Variants in QPRT observed in about 807,000 individuals in gnomAD.
The protein encoded by QPRT is quinolinate phosphoribosyltransferase, also known as nicotinate-nucleotide pyrophosphorylase [carboxylating].
QPRT carries 17 observed loss-of-function variants against 19.8 expected under a neutral mutation model. The ratio of observed to expected loss-of-function variants is 0.86; its 90% CI spans 0.59 to 1.29. The LOEUF is 1.29. Ranked by LOEUF, QPRT falls within the 50% of genes most tolerant of loss-of-function variation. QPRT has a pLI of 0.00. For missense variants in QPRT, 336 were observed against 405.1 expected, an observed-to-expected ratio of 0.83 and a Z score of 1.46; for synonymous variants, 178 against 191.0, an observed-to-expected ratio of 0.93 and a Z score of 0.56.
rs1967583720 is a variant in QPRT at position 29,697,435 on chromosome 16, C to T, written c.*24C>T. 1 of 1,595,722 alleles carries T rather than the reference C, an allele frequency of 6.3e-7. No individual in the cohort carries two copies. Among genetic ancestry groups the T allele is most frequent in the South Asian group, 1.1e-5 (1 of 90,478 alleles). ...AGTCCTAAACCGGAAGAGGATGACA[C>T]CGGCCATGGGTTAACGTGGCTCCTC... On this transcript the variant is annotated 3_prime_UTR_variant, in exon 4 of 4. Transcript: ENST00000395384. This position sits in a 1 kb window ranked among gnomAD's most constrained non-coding sequence, Gnocchi z 4.4.
At chr16:29,682,181 C>T (rs887163217) in intron 1 of QPRT, among the ~76,000 whole-genome samples, 3 of 151,422 alleles carry the variant, frequency 2.0e-5, no homozygotes, top group Non-Finnish European at 4.4e-5. Context: ...AGGCGTGTGC[C>T]ACCACACCTG....
At chr16:29,693,973 C>T (rs1255046665) in intron 1 of QPRT, among the ~76,000 whole-genome samples, 1 of 151,876 alleles carries the variant, frequency 6.6e-6, no homozygotes, top group Non-Finnish European at 1.5e-5. Flanking sequence ...TGCAGGTGTC[C>T]ACCCCCAAGC....
In QPRT at chr16:29,683,730, G is replaced by A. The variant is rs1345810011; in HGVS notation, c.13+4520G>A. Among the ~76,000 whole-genome samples, 7 of 152,220 alleles carry A rather than the reference G, an allele frequency of 4.6e-5. No homozygotes were observed. In the East Asian group the frequency reaches 1.4e-3, roughly 29 times the overall value. On this transcript the variant is annotated intron_variant, in intron 1 of 3. Coordinates refer to ENST00000395384, the MANE Select transcript of QPRT (RefSeq NM_014298.6). ...GTGGGGGCTGGCTCTTCCCCAACCTGGATCCCTGGAAACTACCCCCAGAGA... is the reference window on the plus strand; with the variant it reads ...GTGGGGGCTGGCTCTTCCCCAACCTAGATCCCTGGAAACTACCCCCAGAGA...
intron 1 of QPRT, among the ~76,000 whole-genome samples, 181 bp from the exon 2 acceptor site, chr16:29,694,483 G>A (rs1165459038): frequency 1.3e-5 from 2 of 150,662 alleles, no homozygotes; most frequent in Non-Finnish European, 3.0e-5. Context: ...CCTCACCCTC[G>A]CCCCCACAAC....
chr16:29,680,346 A>AG (rs752223208), intron 1 of QPRT, among the ~76,000 whole-genome samples: 1 of 152,148 alleles, frequency 6.6e-6, no homozygotes, highest in African/African-American at 2.4e-5. Context: ...CAACGCTTCA[A>AG]GGAAGTGTTT....
rs1048009257 is a variant in QPRT at position 29,698,566 on chromosome 16, T to C, written c.*1155T>C. The C allele has an allele frequency of 1.3e-5, 2 of 152,680 alleles. No homozygotes were observed. The highest frequency in any genetic ancestry group is 1.3e-4 in the Admixed American group (2 of 15,262). 9.5% of individuals were successfully genotyped at this position (152,680 alleles called of 1,614,324 possible). On this transcript the variant is annotated 3_prime_UTR_variant, in exon 4 of 4. Transcript: ENST00000395384. ...TCACGTTCCCCGCTTGCTTGAGATA[T>C]CATGACCCTTTCACGTGGACCCCTT...
chr16:29,684,982 G>C (rs1010703150), intron 1 of QPRT, among the ~76,000 whole-genome samples: 2 of 152,008 alleles, frequency 1.3e-5, no homozygotes, highest in Non-Finnish European at 2.9e-5. Context: ...CCTCCACCCT[G>C]CCTGCTCTTC....
At chr16:29,687,532 AC>A (rs1189081398) in intron 1 of QPRT, among the ~76,000 whole-genome samples, 1 of 152,278 alleles carries the variant, frequency 6.6e-6, no homozygotes, top group East Asian at 1.9e-4. Flanking sequence ...CTAATCTGTG[AC>A]AGGGATGACA....
chr16:29,695,329 C>A, intron 2 of QPRT, 130 bp downstream of exon 2: 1 of 1,050,446 alleles, frequency 9.5e-7, no homozygotes, highest in Non-Finnish European at 1.3e-6. Flanking sequence ...CAAGACTCTT[C>A]CCACCTCAGC....
At chr16:29,690,597 GC>G (rs1165308905) in intron 1 of QPRT, among the ~76,000 whole-genome samples, 1 of 152,034 alleles carries the variant, frequency 6.6e-6, no homozygotes, top group East Asian at 1.9e-4. Context: ...CCAGGATGCT[GC>G]GGGAATGGGA....
chr16:29,695,045 G>A lies in QPRT; in HGVS notation c.395G>A (p.Gly132Glu). The change falls in exon 2 of 4, where the codon GGG (glycine) becomes GAG (glutamate). Residue 132 changes from glycine to glutamate, a missense_variant. Physicochemically the swap from Gly to Glu is moderately conservative, Grantham distance 98 (BLOSUM62 -2). Coordinates refer to ENST00000395384, the MANE Select transcript of QPRT (RefSeq NM_014298.6). ...GCCGCCAGGGGGGCCGGCTGGACTGGGCACGTGGCAGGCACGAGGAAGACC... is the reference window on the plus strand; with the variant it reads ...GCCGCCAGGGGGGCCGGCTGGACTGAGCACGTGGCAGGCACGAGGAAGACC... The part of the protein sequence containing the change: ...VEAARGAGWT[G>E]HVAGTRKTTP... 2.5e-6 allele frequency: 4 copies of A among 1,605,588 alleles called. No individual in the cohort carries two copies. Among genetic ancestry groups the A allele is most frequent in the Admixed American group, 1.7e-5 (1 of 59,678 alleles).
chr16:29,685,364 G>A (rs1053073350), intron 1 of QPRT, among the ~76,000 whole-genome samples: 7 of 152,040 alleles, frequency 4.6e-5, no homozygotes, highest in African/African-American at 7.2e-5. Flanking sequence ...CCAGCTACTC[G>A]GGAGGCTGAG....
At position 29,697,450 on chromosome 16, in the gene QPRT, C is replaced by T. The variant is rs767195269; in HGVS notation, c.*39C>T. The T allele has an allele frequency of 1.6e-5, 25 of 1,575,026 alleles. No homozygotes were observed. The East Asian group carries it at 2.0e-4, about 13-fold the overall frequency. On this transcript the variant is annotated 3_prime_UTR_variant, in exon 4 of 4. Transcript: ENST00000395384. This position sits in a 1 kb window ranked among gnomAD's most constrained non-coding sequence, Gnocchi z 4.4. ...GAGGATGACACCGGCCATGGGTTAACGTGGCTCCTCAGGACCCTCTGGGTC... is the reference window on the plus strand; with the variant it reads ...GAGGATGACACCGGCCATGGGTTAATGTGGCTCCTCAGGACCCTCTGGGTC...
At chr16:29,696,661 G>C (rs1296859674) in intron 2 of QPRT, 1 of 212,264 alleles carries the variant, frequency 4.7e-6, no homozygotes, top group Non-Finnish European at 9.3e-6. Context: ...CGCACCTGTA[G>C]TCCCAGCTAC....
chr16:29,695,190 C>T lies in QPRT; in HGVS notation c.540C>T (p.Gly180=), dbSNP rs1339513505. The change falls in exon 2 of 4, where the codon GGC becomes GGT. Residue 180 remains glycine, a synonymous_variant. Transcript: ENST00000395384. ...VKDNHVVAAG[G]VEKAVRAARQ... is the part of the protein sequence containing the mutation. ...ATAACCATGTGGTGGCCGCCGGTGG[C>T]GTGGAGAAGGTGCTGGTCCTGCCTG... 1.6e-5 allele frequency: 24 copies of T among 1,545,830 alleles called. No individual in the cohort carries two copies. The highest frequency in any genetic ancestry group is 9.5e-5 in the African/African-American group (7 of 73,426).
chr16:29,679,135 G>A (rs757376753), upstream of QPRT: 1 of 1,613,506 alleles, frequency 6.2e-7, no homozygotes, highest in Admixed American at 1.7e-5. Context: ...CCCCCAGCCT[G>A]GGGCCTCTGG....
At chr16:29,680,651 C>T (rs1966972636) in intron 1 of QPRT, among the ~76,000 whole-genome samples, 1 of 152,072 alleles carries the variant, frequency 6.6e-6, no homozygotes, top group South Asian at 2.1e-4. Context: ...ATAATAGTTC[C>T]CTGCTCTGGC....
chr16:29,697,453 G>A lies in QPRT; in HGVS notation c.*42G>A. 6.4e-7 allele frequency: 1 copy of A among 1,568,794 alleles called. No homozygotes were observed. Among genetic ancestry groups the A allele is most frequent in the Non-Finnish European group, 8.7e-7 (1 of 1,153,662 alleles). On this transcript the variant is annotated 3_prime_UTR_variant, in exon 4 of 4. Transcript: ENST00000395384. This position sits in a 1 kb window ranked among gnomAD's most constrained non-coding sequence, Gnocchi z 4.4. ...GATGACACCGGCCATGGGTTAACGT[G>A]GCTCCTCAGGACCCTCTGGGTCACA...
intron 1 of QPRT, among the ~76,000 whole-genome samples, chr16:29,679,643 G>A (rs1966932628): frequency 6.6e-6 from 1 of 152,130 alleles, no homozygotes; most frequent in Admixed American, 6.6e-5. Flanking sequence ...GTGATTCCCT[G>A]CCTGGAGGGA....
Sources: gnomAD v4.1 joint callset for allele counts (sites outside exome capture counted in the v4.1 genomes callset) on GRCh38, gnomAD v4.1.1 for gene constraint, Gnocchi (gnomAD v3.1) non-coding constraint, MANE v1.5 for transcripts, NCBI Gene and HGNC (gene_info 2026-07-23, HGNC 2026-07-21) for gene names.